Variants in MAF observed in about 807,000 individuals in gnomAD.
MAF encodes the protein transcription factor Maf.
MAF carries 10 observed loss-of-function variants against 22.0 expected under a neutral mutation model. The ratio of observed to expected loss-of-function variants is 0.45; its 90% CI spans 0.28 to 0.77. MAF has a LOEUF of 0.77. Ranked by LOEUF, MAF falls within the 30% of genes least tolerant of loss-of-function variation. The probability of loss-of-function intolerance (pLI) is 0.12; values close to 1 mark genes in which losing one functional copy is unlikely to be tolerated. For missense variants in MAF, 544 were observed against 548.4 expected (o/e 0.99, Z 0.08); for synonymous variants, 337 against 255.8 (o/e 1.32, Z -3.03).
chr16:79,597,848 A>G lies in MAF; in HGVS notation c.1118+937T>C. On this transcript the variant is annotated intron_variant, in intron 1 of 1. Transcript: ENST00000326043. The stretch of plus-strand genomic sequence containing the variant: ...GTCTCTTTTCCATAAAGTCTTTGAA[A>G]CAGTTATAGTTCATTGTTGCTAAGA... 5 of 1,030,316 alleles carry G rather than the reference A, an allele frequency of 4.9e-6. No individual in the cohort carries two copies. The South Asian group carries it at 2.3e-4, about 48-fold the overall frequency. 63.8% of individuals were successfully genotyped at this position (1,030,316 alleles called of 1,614,324 possible). A position where few individuals can be genotyped will look rare whatever the true frequency, so the allele number is the denominator to read the frequency against.
the MAF span, among the ~76,000 whole-genome samples, chr16:79,509,399 C>T: frequency 6.6e-6 from 1 of 152,240 alleles, no homozygotes; most frequent in Non-Finnish European, 1.5e-5. Flanking sequence ...GAGGAGAAGC[C>T]TTTGTCTCTT....
the MAF span, among the ~76,000 whole-genome samples, chr16:79,317,783 T>G: frequency 2.0e-5 from 3 of 152,210 alleles, no homozygotes; most frequent in African/African-American, 7.2e-5. Context: ...GCTAGCCCAC[T>G]GGACACATGA....
the MAF span, among the ~76,000 whole-genome samples, chr16:79,469,740 G>GT: frequency 6.6e-6 from 1 of 152,062 alleles, no homozygotes; most frequent in Non-Finnish European, 1.5e-5. Context: ...GGGATTACAG[G>GT]TGCCCGCCAC....
the MAF span, among the ~76,000 whole-genome samples, chr16:79,467,315 C>T: frequency 1.3e-5 from 2 of 152,196 alleles, no homozygotes; most frequent in Non-Finnish European, 2.9e-5. Context: ...TACATGTGTA[C>T]TGCCTCACAC....
At chr16:79,396,191 G>A in the MAF span, among the ~76,000 whole-genome samples, 1 of 152,224 alleles carries the variant, frequency 6.6e-6, no homozygotes, top group Admixed American at 6.5e-5. Flanking sequence ...AGACACAGGT[G>A]AGGGGTGAGG....
downstream of MAF, among the ~76,000 whole-genome samples, chr16:79,593,458 G>T (rs1025432155): frequency 1.3e-5 from 2 of 152,170 alleles, no homozygotes; most frequent in African/African-American, 4.8e-5. Flanking sequence ...CAGAACAGAA[G>T]TATCTAGAAT....
chr16:79,410,868 C>T, the MAF span, among the ~76,000 whole-genome samples: 5 of 152,240 alleles, frequency 3.3e-5, no homozygotes, highest in East Asian at 9.6e-4. Flanking sequence ...GGCAGAGAGG[C>T]CAGAGATAAC....
the MAF span, among the ~76,000 whole-genome samples, chr16:79,550,530 C>G: frequency 9.6e-3 from 1,455 of 152,242 alleles, 24 homozygotes; most frequent in African/African-American, 0.033. Flanking sequence ...GGGACAGATG[C>G]TCTTCAGACT....
the MAF span, among the ~76,000 whole-genome samples, chr16:79,331,488 C>T: frequency 0.24 from 36,000 of 152,074 alleles, 4,666 homozygotes; most frequent in African/African-American, 0.33. Flanking sequence ...ATGTTATGGA[C>T]TTGGTTTCCT....
chr16:79,361,371 C>T, the MAF span, among the ~76,000 whole-genome samples: 1 of 152,188 alleles, frequency 6.6e-6, no homozygotes, highest in African/African-American at 2.4e-5. Flanking sequence ...ACCTGTGAAG[C>T]AAGGTGCCTG....
At chr16:79,345,984 G>A in the MAF span, among the ~76,000 whole-genome samples, 3 of 151,908 alleles carry the variant, frequency 2.0e-5, no homozygotes, top group African/African-American at 7.2e-5. Context: ...AATGGAGTTT[G>A]AAACATAAAT....
chr16:79,433,053 A>G, the MAF span, among the ~76,000 whole-genome samples: 2 of 152,136 alleles, frequency 1.3e-5, no homozygotes, highest in Admixed American at 6.5e-5. Context: ...ACTAAACCCC[A>G]CAGCACGTCC....
At chr16:79,434,174 C>T in the MAF span, among the ~76,000 whole-genome samples, 2 of 152,198 alleles carry the variant, frequency 1.3e-5, no homozygotes, top group Admixed American at 1.3e-4. Context: ...ACTTTCTCAA[C>T]ATCACTAGCT....
the MAF span, among the ~76,000 whole-genome samples, chr16:79,519,875 C>G: frequency 6.6e-6 from 1 of 152,238 alleles, no homozygotes; most frequent in Non-Finnish European, 1.5e-5. Context: ...GACTGCTCGC[C>G]CATCCTGCCT....
At chr16:79,319,552 C>G in the MAF span, among the ~76,000 whole-genome samples, 1 of 152,198 alleles carries the variant, frequency 6.6e-6, no homozygotes, top group East Asian at 1.9e-4. Context: ...TGTAACAGAT[C>G]TGACGTAGGT....
At chr16:79,347,700 CA>C in the MAF span, among the ~76,000 whole-genome samples, 1 of 152,124 alleles carries the variant, frequency 6.6e-6, no homozygotes, top group African/African-American at 2.4e-5. Context: ...TATCAAGGTC[CA>C]GAGGGGTTGA....
downstream of MAF, among the ~76,000 whole-genome samples, chr16:79,591,174 A>C (rs1403602673): frequency 6.6e-6 from 1 of 152,174 alleles, no homozygotes; most frequent in Non-Finnish European, 1.5e-5. Context: ...TTGGAATCTC[A>C]GCTTGGAAAC....
the MAF span, among the ~76,000 whole-genome samples, chr16:79,433,400 T>G: frequency 6.6e-6 from 1 of 151,794 alleles, no homozygotes; most frequent in East Asian, 1.9e-4. Context: ...ACTGATTGTG[T>G]TGTCTTTTTG....
At chr16:79,407,989 G>T in the MAF span, among the ~76,000 whole-genome samples, 1 of 142,632 alleles carries the variant, frequency 7.0e-6, no homozygotes, top group Non-Finnish European at 1.5e-5. Flanking sequence ...CTCAGAGGGA[G>T]ATCGACCCTC....
Sources: gnomAD v4.1 joint callset for allele counts (sites outside exome capture counted in the v4.1 genomes callset) on GRCh38, gnomAD v4.1.1 for gene constraint, MANE v1.5 for transcripts, NCBI Gene and HGNC (gene_info 2026-07-23, HGNC 2026-07-21) for gene names.